FAM178B: variants seen among roughly 807,000 people sequenced by gnomAD.
FAM178B encodes protein FAM178B.
FAM178B carries 82 observed loss-of-function variants against 91.7 expected under a neutral mutation model. The observed-to-expected ratio is 0.89, with a 90% CI of 0.75 to 1.07. The LOEUF (loss-of-function observed/expected upper bound fraction) is 1.07, where lower values mean the gene tolerates loss of function less well. FAM178B is among the 50% of genes least tolerant of loss of function. The probability of loss-of-function intolerance (pLI) is 0.00; values close to 1 mark genes in which losing one functional copy is unlikely to be tolerated. For missense variants in FAM178B, 769 were observed against 846.7 expected, an observed-to-expected ratio of 0.91 and a Z score of 1.14; for synonymous variants, 368 against 359.4, an observed-to-expected ratio of 1.02 and a Z score of -0.27.
At chr2:96,900,407 A>C (rs1219129003) in intron 13 of FAM178B, among the ~76,000 whole-genome samples, 2 of 151,890 alleles carry the variant, frequency 1.3e-5, no homozygotes, top group Admixed American at 1.3e-4. Flanking sequence ...TCCCTTCCAC[A>C]AGCGTGCACT....
At chr2:96,929,847 G>A (rs1162182312) in intron 8 of FAM178B, among the ~76,000 whole-genome samples, 8 of 152,230 alleles carry the variant, frequency 5.3e-5, no homozygotes, top group Admixed American at 1.3e-4. Flanking sequence ...AGCCTGGGGC[G>A]TGTCTCCTAA....
chr2:96,913,477 G>A (rs1261735321), intron 12 of FAM178B, among the ~76,000 whole-genome samples: 6 of 152,166 alleles, frequency 3.9e-5, no homozygotes, highest in Non-Finnish European at 4.4e-5. Context: ...AGAAGGAAAG[G>A]TGGGGCCCTC....
chr2:96,949,087 G>A (rs557262363), intron 7 of FAM178B, among the ~76,000 whole-genome samples: 2 of 152,302 alleles, frequency 1.3e-5, no homozygotes, highest in African/African-American at 4.8e-5. Context: ...CATTGAGGGT[G>A]TACACCTCCT....
At chr2:96,915,112 A>T (rs868829604) in intron 12 of FAM178B, among the ~76,000 whole-genome samples, 61 of 143,100 alleles carry the variant, frequency 4.3e-4, no homozygotes, top group Admixed American at 9.1e-4. Context: ...CTATAACCAA[A>T]TTTTTTTTTT....
At position 96,986,538 on chromosome 2, in the gene FAM178B, C is replaced by T. The variant is rs2082427597; in HGVS notation, c.-225G>A. On this transcript the variant is annotated 5_prime_UTR_variant, in exon 1 of 17. It adds an upstream start codon to the 5' untranslated region. Coordinates refer to ENST00000490605, the MANE Select transcript of FAM178B (RefSeq NM_001122646.3). The stretch of plus-strand genomic sequence containing the variant: ...GACTCCAAACCAAGCGGCCAGCTCA[C>T]AGCCGCCGCCGCCGCCAGCTGGGGA... The T allele has an allele frequency of 7.2e-6, 4 of 553,060 alleles. No individual in the cohort carries two copies. Among genetic ancestry groups the T allele is most frequent in the African/African-American group, 5.9e-5 (3 of 50,992 alleles). 34.3% of individuals were successfully genotyped at this position (553,060 alleles called of 1,614,324 possible).
At chr2:96,978,341 A>G (rs972265324) in intron 1 of FAM178B, among the ~76,000 whole-genome samples, 2 of 152,218 alleles carry the variant, frequency 1.3e-5, no homozygotes, top group African/African-American at 4.8e-5. Flanking sequence ...TGTTTGTTAC[A>G]TGAATATACT....
At chr2:96,897,405 C>T (rs1356316692) in intron 13 of FAM178B, among the ~76,000 whole-genome samples, 1 of 152,188 alleles carries the variant, frequency 6.6e-6, no homozygotes, top group Non-Finnish European at 1.5e-5. Flanking sequence ...TTGAGCCACC[C>T]GAAGCCCACG....
At chr2:96,934,496 G>A (rs2081592774) in intron 8 of FAM178B, among the ~76,000 whole-genome samples, 1 of 152,120 alleles carries the variant, frequency 6.6e-6, no homozygotes, top group African/African-American at 2.4e-5. Flanking sequence ...CATTACCAAA[G>A]GGAGCCAGGT....
intron 10 of FAM178B, 49 bp from the exon 11 acceptor site, chr2:96,921,703 A>G: frequency 6.5e-7 from 1 of 1,529,016 alleles, no homozygotes; most frequent in Non-Finnish European, 8.9e-7. Context: ...GGGGAACGGG[A>G]GAGTACTTCG....
intron 8 of FAM178B, among the ~76,000 whole-genome samples, chr2:96,939,475 G>A (rs549804193): frequency 2.0e-5 from 3 of 151,868 alleles, no homozygotes; most frequent in Non-Finnish European, 2.9e-5. Flanking sequence ...TGGCCTGGGC[G>A]ACAGAGTGAG....
At chr2:96,905,846 A>ACTATATACGTATATATACG (rs1395395870) in intron 12 of FAM178B, among the ~76,000 whole-genome samples, 1 of 26,914 alleles carries the variant, frequency 3.7e-5, no homozygotes, top group Non-Finnish European at 7.8e-5. Context: ...ATATATATAT[A>ACTATATACGTATATATACG]TATATATATA....
At chr2:96,950,217 G>A in intron 7 of FAM178B, 1 of 969,272 alleles carries the variant, frequency 1.0e-6, no homozygotes, top group Non-Finnish European at 1.2e-6. Flanking sequence ...GCTCGATTGT[G>A]TGTTCCGTCA....
At chr2:96,929,646 G>A (rs2081507361) in intron 8 of FAM178B, among the ~76,000 whole-genome samples, 1 of 152,232 alleles carries the variant, frequency 6.6e-6, no homozygotes, top group African/African-American at 2.4e-5. Flanking sequence ...GTGACACGAA[G>A]AGTCCTGTGC....
intron 13 of FAM178B, among the ~76,000 whole-genome samples, chr2:96,894,657 C>A: frequency 1.1e-5 from 1 of 93,032 alleles, no homozygotes; most frequent in East Asian, 3.6e-4. Flanking sequence ...AGATCCCCAC[C>A]CACACCCCCC....
At position 96,972,165 on chromosome 2, in the gene FAM178B, C is replaced by T; in HGVS notation, c.300G>A (p.Gln100=). 6.5e-7 allele frequency: 1 copy of T among 1,546,118 alleles called. No homozygotes were observed. ...CAGTGGGAAACGTTTCCCCAGGTGC[C>T]TGTATCTTGGGCTTCTTTGGCGATG... ...APTSPKKPKI[Q]APGETFPTDW... Residue 100 remains glutamine (Q), a synonymous_variant, in exon 3 of 17, where the codon CAG becomes CAA. Transcript: ENST00000490605.
At chr2:96,895,265 A>G in intron 13 of FAM178B, 1 of 425,534 alleles carries the variant, frequency 2.3e-6, no homozygotes, top group Non-Finnish European at 4.1e-6. Flanking sequence ...AGAATCAACG[A>G]GACTTCCTTA....
At chr2:96,939,979 G>GTTATCAAA (rs1456449732) in intron 8 of FAM178B, among the ~76,000 whole-genome samples, 3 of 152,296 alleles carry the variant, frequency 2.0e-5, no homozygotes, top group African/African-American at 7.2e-5. Flanking sequence ...CTGAATTACT[G>GTTATCAAA]TTATCAAATT....
chr2:96,935,825 G>A (rs1235481325), intron 8 of FAM178B, among the ~76,000 whole-genome samples: 5 of 150,798 alleles, frequency 3.3e-5, no homozygotes, highest in African/African-American at 7.4e-5. Context: ...TAGTAGACAG[G>A]GGGTTTCACC....
intron 8 of FAM178B, among the ~76,000 whole-genome samples, chr2:96,945,323 A>C (rs2081808131): frequency 6.6e-6 from 1 of 151,940 alleles, no homozygotes; most frequent in Non-Finnish European, 1.5e-5. Context: ...CCTCAGCCCC[A>C]GTCACTAGAG....
Sources: gnomAD v4.1 joint callset for allele counts (sites outside exome capture counted in the v4.1 genomes callset) on GRCh38, gnomAD v4.1.1 for gene constraint, MANE v1.5 for transcripts, NCBI Gene and HGNC (gene_info 2026-07-23, HGNC 2026-07-21) for gene names.